FAM168A: variants seen among roughly 807,000 people sequenced by gnomAD.
FAM168A encodes family with sequence similarity 168 member A, also known as protein FAM168A.
In FAM168A, 3 loss-of-function variants were observed where a neutral mutation model predicts 28.5. That is an observed-to-expected ratio of 0.11 (90% CI 0.05 to 0.27). The LOEUF (loss-of-function observed/expected upper bound fraction) is 0.27, where lower values mean the gene tolerates loss of function less well. FAM168A is among the 10% of genes least tolerant of loss of function. The probability of loss-of-function intolerance (pLI) is 1.00; values close to 1 mark genes in which losing one functional copy is unlikely to be tolerated. For synonymous variants in FAM168A, 122 were observed against 124.2 expected, an observed-to-expected ratio of 0.98 and a Z score of 0.12; for missense variants, 222 against 311.5, an observed-to-expected ratio of 0.71 and a Z score of 2.16.
In FAM168A at chr11:73,403,853, C is replaced by T. The variant is rs1157200829; in HGVS notation, c.*2910G>A. 1 of 152,232 alleles carries T rather than the reference C, an allele frequency of 6.6e-6. No homozygotes were observed. The highest frequency in any genetic ancestry group is 1.5e-5 in the Non-Finnish European group (1 of 68,072). The allele number at this position is 152,232 out of a possible 1,614,324, so 9.4% of individuals were successfully genotyped here. On this transcript the variant is annotated 3_prime_UTR_variant, in exon 8 of 8. Coordinates refer to ENST00000356467, the MANE Select transcript of FAM168A (RefSeq NM_015159.3). ...CTTCCAGACCACAGCCTTTCAGTGC[C>T]TTATTTTCACCTTGGGGCCCCCCTT...
chr11:73,427,177 G>C (rs182517027), intron 3 of FAM168A, among the ~76,000 whole-genome samples: 1 of 152,010 alleles, frequency 6.6e-6, no homozygotes, highest in Non-Finnish European at 1.5e-5. Flanking sequence ...ATTTTTAGTA[G>C]AGACAGCGTT....
intron 1 of FAM168A, among the ~76,000 whole-genome samples, chr11:73,496,327 T>C (rs1179529001): frequency 6.6e-6 from 1 of 152,212 alleles, no homozygotes; most frequent in Non-Finnish European, 1.5e-5. Context: ...AAAAGGGAAG[T>C]TGTTGTTCAA....
intron 2 of FAM168A, among the ~76,000 whole-genome samples, chr11:73,461,123 T>A (rs1005791696): frequency 1.3e-5 from 2 of 148,500 alleles, no homozygotes; most frequent in Non-Finnish European, 3.0e-5. Context: ...ATTGTCAATC[T>A]TTTTTTTTTA....
intron 1 of FAM168A, among the ~76,000 whole-genome samples, chr11:73,498,150 T>C (rs892499976): frequency 6.6e-6 from 1 of 151,990 alleles, no homozygotes; most frequent in Admixed American, 6.6e-5. Context: ...AGCAGTGGCG[T>C]TTGGAGGCTC....
chr11:73,528,293 C>A (rs975101987), intron 1 of FAM168A, among the ~76,000 whole-genome samples: 2 of 152,102 alleles, frequency 1.3e-5, no homozygotes. Context: ...GCATTCCTAG[C>A]CTCCAGATGT....
intron 1 of FAM168A, among the ~76,000 whole-genome samples, chr11:73,525,250 A>G (rs995290257): frequency 6.6e-6 from 1 of 152,214 alleles, no homozygotes; most frequent in East Asian, 1.9e-4. Context: ...TACGAACAGT[A>G]GAGCATTTTA....
Position 73,402,482 on chromosome 11 carries a change from C to G in FAM168A, c.*4281G>C, listed in dbSNP as rs954919602. The G allele has an allele frequency of 6.6e-6, 1 of 152,170 alleles. No individual in the cohort carries two copies. Among genetic ancestry groups the G allele is most frequent in the Non-Finnish European group, 1.5e-5 (1 of 68,030 alleles). 9.4% of individuals were successfully genotyped at this position (152,170 alleles called of 1,614,324 possible). On this transcript the variant is annotated 3_prime_UTR_variant, in exon 8 of 8. Transcript: ENST00000356467. ...CAAAGCAAGCCCTCCAAAGAAGGACCCCCAGATCTCTGGGAACGGGGTACC... is the reference window on the plus strand; with the variant it reads ...CAAAGCAAGCCCTCCAAAGAAGGACGCCCAGATCTCTGGGAACGGGGTACC...
At chr11:73,429,445 A>G (rs1056264259) in intron 3 of FAM168A, among the ~76,000 whole-genome samples, 3 of 152,220 alleles carry the variant, frequency 2.0e-5, no homozygotes, top group Non-Finnish European at 4.4e-5. Context: ...GGCGGGTATT[A>G]TCAAGACATT....
intron 1 of FAM168A, among the ~76,000 whole-genome samples, chr11:73,589,526 T>C (rs1944357445): frequency 6.6e-6 from 1 of 150,946 alleles, no homozygotes; most frequent in South Asian, 2.1e-4. Flanking sequence ...AAAAAGTGTG[T>C]ATAATTTTCA....
intron 1 of FAM168A, among the ~76,000 whole-genome samples, chr11:73,510,171 A>C (rs964500674): frequency 2.0e-5 from 3 of 152,166 alleles, no homozygotes; most frequent in African/African-American, 7.2e-5. Flanking sequence ...CCTTGGATCC[A>C]TCTATTCGTA....
chr11:73,501,989 TACTC>T (rs1855017741), intron 1 of FAM168A, among the ~76,000 whole-genome samples: 1 of 151,140 alleles, frequency 6.6e-6, no homozygotes, highest in Non-Finnish European at 1.5e-5. Flanking sequence ...TAGTCCCAGC[TACTC>T]AGGAGGCTGA....
intron 2 of FAM168A, among the ~76,000 whole-genome samples, chr11:73,464,432 C>G (rs1330227432): frequency 6.6e-6 from 1 of 151,578 alleles, no homozygotes; most frequent in Non-Finnish European, 1.5e-5. Context: ...TCTTTTGTTA[C>G]TGTATTTGTA....
chr11:73,426,748 G>T (rs1021685047), intron 3 of FAM168A, among the ~76,000 whole-genome samples: 9 of 133,152 alleles, frequency 6.8e-5, no homozygotes, highest in Admixed American at 4.3e-4. Context: ...TAACTCAAAG[G>T]GAAAGGGATC....
At chr11:73,501,854 C>A (rs894630239) in intron 1 of FAM168A, among the ~76,000 whole-genome samples, 8 of 152,144 alleles carry the variant, frequency 5.3e-5, no homozygotes, top group African/African-American at 1.9e-4. Flanking sequence ...GTAATCCCAG[C>A]ACTTTGGGAG....
At chr11:73,488,660 G>C (rs2134604970) in intron 1 of FAM168A, among the ~76,000 whole-genome samples, 1 of 152,198 alleles carries the variant, frequency 6.6e-6, no homozygotes, top group East Asian at 1.9e-4. Flanking sequence ...CACCGTGGAT[G>C]AACAGTCCAC....
At chr11:73,433,502 GT>G (rs1418286925) in intron 2 of FAM168A, among the ~76,000 whole-genome samples, 2 of 151,980 alleles carry the variant, frequency 1.3e-5, no homozygotes, top group African/African-American at 2.4e-5. Flanking sequence ...TCTTCTAACA[GT>G]TTTATGGTTT....
chr11:73,582,779 G>A (rs1944263260), intron 1 of FAM168A, among the ~76,000 whole-genome samples: 2 of 152,166 alleles, frequency 1.3e-5, no homozygotes, highest in African/African-American at 4.8e-5. Context: ...ATAAGGTCCC[G>A]TCTTCTCCAT....
chr11:73,432,709 C>T (rs1003950577), intron 2 of FAM168A, among the ~76,000 whole-genome samples: 3 of 151,870 alleles, frequency 2.0e-5, no homozygotes, highest in African/African-American at 2.4e-5. Context: ...GTCAAGAGAT[C>T]GAGACCAGCC....
chr11:73,409,238 C>T (rs146375507), intron 6 of FAM168A, among the ~76,000 whole-genome samples: 2 of 152,296 alleles, frequency 1.3e-5, no homozygotes, highest in African/African-American at 4.8e-5. Context: ...TCTTTCTGCA[C>T]CACCCTTCCC....
Sources: allele counts gnomAD v4.1 joint callset (sites outside exome capture counted in the v4.1 genomes callset), GRCh38; gene constraint gnomAD v4.1.1; transcripts MANE v1.5; gene names NCBI Gene and HGNC (gene_info 2026-07-23, HGNC 2026-07-21).